The following ADAMTSL1 variants were observed in gnomAD, a reference collection of about 807,000 sequenced individuals.
ADAMTSL1 encodes the protein ADAMTS like 1, also known as ADAMTS-like protein 1.
A neutral mutation model predicts 201.8 loss-of-function variants in ADAMTSL1; 126 were observed. The observed-to-expected ratio is 0.62, with a 90% CI of 0.54 to 0.72. The LOEUF (loss-of-function observed/expected upper bound fraction) is 0.72, where lower values mean the gene tolerates loss of function less well. Among genes scored for constraint, ADAMTSL1 ranks in the 30% least tolerant of loss-of-function variants. The probability of loss-of-function intolerance (pLI) is 0.00; values close to 1 mark genes in which losing one functional copy is unlikely to be tolerated. For missense variants in ADAMTSL1, 2,679 were observed against 2,277.8 expected (o/e 1.18, Z -3.59); for synonymous variants, 1,121 against 903.4 (o/e 1.24, Z -4.32).
chr9:18,613,440 T>C (rs1292792724), intron 4 of ADAMTSL1, among the ~76,000 whole-genome samples: 1 of 152,118 alleles, frequency 6.6e-6, no homozygotes, highest in African/African-American at 2.4e-5. Context: ...CTGTTCACAA[T>C]AGCAAAGACA....
At chr9:18,088,698 C>G (rs1823872640) in intron 1 of ADAMTSL1, among the ~76,000 whole-genome samples, 1 of 152,084 alleles carries the variant, frequency 6.6e-6, no homozygotes, top group South Asian at 2.1e-4. Flanking sequence ...GACCTCATAC[C>G]TATTTAGGAT....
At chr9:18,561,737 T>G (rs949427241) in intron 3 of ADAMTSL1, among the ~76,000 whole-genome samples, 1 of 152,214 alleles carries the variant, frequency 6.6e-6, no homozygotes, top group Non-Finnish European at 1.5e-5. Context: ...TTTAGGATAG[T>G]TAGCTCTTCT....
intron 16 of ADAMTSL1, among the ~76,000 whole-genome samples, chr9:18,770,063 C>T (rs1820601202): frequency 6.6e-6 from 1 of 152,200 alleles, no homozygotes; most frequent in African/African-American, 2.4e-5. Flanking sequence ...AAGAAATCAT[C>T]AGTCCTGCAA....
chr9:18,736,206 A>T (rs563622926), intron 15 of ADAMTSL1, among the ~76,000 whole-genome samples: 3 of 152,304 alleles, frequency 2.0e-5, no homozygotes, highest in African/African-American at 7.2e-5. Context: ...CCCTCACAAG[A>T]TGCGCCCCAC....
At chr9:18,386,759 C>T (rs10120545) in intron 2 of ADAMTSL1, among the ~76,000 whole-genome samples, 27,191 of 152,074 alleles carry the variant, frequency 0.18, 2,810 homozygotes, top group Admixed American at 0.35. Context: ...TTAACATTTT[C>T]GGATCCTTTA....
At chr9:18,497,371 T>C (rs970386678) in intron 1 of ADAMTSL1, among the ~76,000 whole-genome samples, 6 of 152,008 alleles carry the variant, frequency 3.9e-5, no homozygotes, top group African/African-American at 7.2e-5. Flanking sequence ...GCTTCAGGCT[T>C]CTACTCCTAA....
chr9:18,288,154 A>G lies in ADAMTSL1; in HGVS notation c.207+124173A>G, dbSNP rs533333458. ...CTAGGTGAAATAGGAATGAAACCTT[A>G]TATCACATTCAGTCGACAATCTTGG... On this transcript the variant is annotated intron_variant, in intron 2 of 29. Transcript: ENST00000680146. 4.6e-5 allele frequency among the ~76,000 whole-genome samples: 7 copies of G among 152,308 alleles called. No individual in the cohort carries two copies. The South Asian group carries it at 6.2e-4, about 14-fold the overall frequency.
At chr9:18,051,478 T>G (rs1417099112) in intron 1 of ADAMTSL1, among the ~76,000 whole-genome samples, 1 of 151,940 alleles carries the variant, frequency 6.6e-6, no homozygotes, top group Non-Finnish European at 1.5e-5. Flanking sequence ...CTATATGGTA[T>G]CAGCCCCTAA....
chr9:17,954,546 G>A (rs955917177), intron 1 of ADAMTSL1, among the ~76,000 whole-genome samples: 2 of 152,184 alleles, frequency 1.3e-5, no homozygotes, highest in Admixed American at 6.5e-5. Context: ...AATGGGAAAA[G>A]CAGCTCCCAA....
intron 20 of ADAMTSL1, among the ~76,000 whole-genome samples, chr9:18,807,653 A>G (rs532151749): frequency 6.9e-6 from 1 of 145,746 alleles, no homozygotes; most frequent in African/African-American, 2.6e-5. Context: ...CTCAAAAAAA[A>G]AAAAACAAAA....
At chr9:17,935,964 C>T (rs1422276170) in intron 1 of ADAMTSL1, among the ~76,000 whole-genome samples, 1 of 152,192 alleles carries the variant, frequency 6.6e-6, no homozygotes, top group Admixed American at 6.5e-5. Flanking sequence ...CTCTCCGATC[C>T]TCTCACCTAC....
intron 23 of ADAMTSL1, among the ~76,000 whole-genome samples, chr9:18,838,134 A>T (rs1825435300): frequency 1.3e-5 from 2 of 152,084 alleles, no homozygotes; most frequent in South Asian, 4.1e-4. Flanking sequence ...GAAGCAAGTC[A>T]CGTCTTACAT....
At chr9:18,645,164 C>T (rs1325815365) in intron 7 of ADAMTSL1, among the ~76,000 whole-genome samples, 2 of 152,104 alleles carry the variant, frequency 1.3e-5, no homozygotes, top group Non-Finnish European at 2.9e-5. Flanking sequence ...TTTCATGTGT[C>T]TTTTGGCTGC....
chr9:18,315,415 T>C (rs1183475907), intron 2 of ADAMTSL1, among the ~76,000 whole-genome samples: 1 of 151,110 alleles, frequency 6.6e-6, no homozygotes, highest in African/African-American at 2.4e-5. Flanking sequence ...GCTCGGGCCG[T>C]GTGGGAGCCC....
chr9:18,504,771 C>A (rs538389320), intron 1 of ADAMTSL1, 58 bp from the exon 2 acceptor site: 1 of 1,613,274 alleles, frequency 6.2e-7, no homozygotes, highest in Non-Finnish European at 8.5e-7. Context: ...CATTTTAGAA[C>A]ACATGTTTCA....
At chr9:18,220,471 A>C (rs111699935) in intron 2 of ADAMTSL1, among the ~76,000 whole-genome samples, 1 of 152,206 alleles carries the variant, frequency 6.6e-6, no homozygotes, top group African/African-American at 2.4e-5. Flanking sequence ...CTGTTTTTTA[A>C]AATTTTTCAA....
At chr9:18,632,198 A>C (rs1414388386) in intron 5 of ADAMTSL1, among the ~76,000 whole-genome samples, 1 of 152,224 alleles carries the variant, frequency 6.6e-6, no homozygotes, top group Non-Finnish European at 1.5e-5. Context: ...AATAGATGCC[A>C]AGTAGAAGCA....
chr9:18,017,436 G>C (rs139491270), intron 1 of ADAMTSL1, among the ~76,000 whole-genome samples: 144 of 151,942 alleles, frequency 9.5e-4, no homozygotes, highest in African/African-American at 3.4e-3. Flanking sequence ...CCCCAAATTT[G>C]AGAAGCCTGT....
intron 3 of ADAMTSL1, among the ~76,000 whole-genome samples, chr9:18,556,088 A>C (rs1821093855): frequency 1.3e-5 from 2 of 151,990 alleles, no homozygotes; most frequent in East Asian, 3.9e-4. Flanking sequence ...AGGGTAAGAA[A>C]CAGAATTGAC....
Sources: allele counts gnomAD v4.1 joint callset (sites outside exome capture counted in the v4.1 genomes callset), GRCh38; gene constraint gnomAD v4.1.1; transcripts MANE v1.5; gene names NCBI Gene and HGNC (gene_info 2026-07-23, HGNC 2026-07-21).